Variants in DEDD observed in about 807,000 individuals in gnomAD.
DEDD encodes the protein death effector domain-containing protein.
A neutral mutation model predicts 29.2 loss-of-function variants in DEDD; 3 were observed. That is an observed-to-expected ratio of 0.10 (90% confidence interval 0.05 to 0.27). The LOEUF (loss-of-function observed/expected upper bound fraction) is 0.27, where lower values mean the gene tolerates loss of function less well. Ranked by LOEUF, DEDD falls within the 10% of genes least tolerant of loss-of-function variation. DEDD has a pLI of 1.00. For synonymous variants in DEDD, 152 were observed against 161.3 expected, an observed-to-expected ratio of 0.94 and a Z score of 0.44; for missense variants, 261 against 420.5, an observed-to-expected ratio of 0.62 and a Z score of 3.32.
At chr1:161,124,082 C>T (rs993485438) in intron 3 of DEDD, 56 bp downstream of exon 3, 23 of 1,583,560 alleles carry the variant, frequency 1.5e-5, no homozygotes, top group Non-Finnish European at 2.0e-5. Context: ...GCCTATGCTG[C>T]TCCTTCCTGG....
intron 2 of DEDD, among the ~76,000 whole-genome samples, chr1:161,125,754 G>A (rs1486354687): frequency 3.9e-5 from 6 of 151,992 alleles, no homozygotes; most frequent in African/African-American, 1.5e-4. Flanking sequence ...CACCCACCTC[G>A]GCCTCCCAAA....
chr1:161,124,501 G>C lies in DEDD; in HGVS notation c.-39C>G. The C allele has an allele frequency of 5.1e-6, 8 of 1,568,220 alleles. No homozygotes were observed. Among genetic ancestry groups the C allele is most frequent in the Non-Finnish European group, 6.9e-6 (8 of 1,152,654 alleles). Reference sequence around the variant, plus strand: ...GTACGCAATGCTTTCCAGAATCCCTGCTCAGCAGCTGCAATCCCCACCGTA... The same window carrying C: ...GTACGCAATGCTTTCCAGAATCCCTCCTCAGCAGCTGCAATCCCCACCGTA... On this transcript the variant is annotated 5_prime_UTR_variant, in exon 3 of 6. Coordinates refer to ENST00000368006, the MANE Select transcript of DEDD (RefSeq NM_032998.3).
At position 161,122,314 on chromosome 1, in the gene DEDD, T is replaced by C. The variant is rs765135748; in HGVS notation, c.790A>G (p.Ile264Val). ...TYLDAFWRDY[I>V]NGSLLEALKG... Reference sequence around the variant, plus strand: ...AGTGCCTCTAATAAAGAGCCATTGATGTAGTCACGCCAGAATGCATCGAGG... The same window carrying C: ...AGTGCCTCTAATAAAGAGCCATTGACGTAGTCACGCCAGAATGCATCGAGG... The change falls in exon 6 of 6, where the codon ATC (isoleucine) becomes GTC (valine). Residue 264 changes from isoleucine (I) to valine (V), a missense_variant. Physicochemically the swap from Ile to Val is conservative, Grantham distance 29 (BLOSUM62 3). Transcript: ENST00000368006. The surrounding 1 kb of genome is among the most constrained non-coding windows in gnomAD (Gnocchi z 4.2). The C allele has an allele frequency of 5.0e-6, 8 of 1,614,078 alleles. No individual in the cohort carries two copies. Among genetic ancestry groups the C allele is most frequent in the Non-Finnish European group, 2.5e-6 (3 of 1,180,050 alleles).
rs1284448276 is a variant in DEDD, at chr1:161,122,157, G to A, written c.947C>T (p.Ala316Val). ...AGAAGAGGGAATAGGTCAGGGCAATGCTTGCAGCATCAAGTTCCTCAGGAG... is the reference window on the plus strand; with the variant it reads ...AGAAGAGGGAATAGGTCAGGGCAATACTTGCAGCATCAAGTTCCTCAGGAG... ...QKLLRNLMLQ[A>V]LP The change falls in exon 6 of 6, where the codon GCA becomes GTA. Residue 316 changes from alanine to valine, a missense_variant. Physicochemically the swap from Ala to Val is moderately conservative, Grantham distance 64. Transcript: ENST00000368006. This position sits in a 1 kb window ranked among gnomAD's most constrained non-coding sequence, Gnocchi z 4.2. 6.2e-7 allele frequency: 1 copy of A among 1,613,212 alleles called. No homozygotes were observed. The highest frequency in any genetic ancestry group is 2.2e-5 in the East Asian group (1 of 44,888).
intron 1 of DEDD, 42 bp from the exon 2 acceptor site, chr1:161,130,889 A>C (rs1557985295): frequency 6.6e-6 from 1 of 152,298 alleles, no homozygotes; most frequent in East Asian, 1.9e-4. Flanking sequence ...AAAAACAAAT[A>C]AGGAGGGGAA....
chr1:161,121,113 G>C lies in DEDD; in HGVS notation c.*1034C>G. On this transcript the variant is annotated 3_prime_UTR_variant, in exon 6 of 6. Coordinates refer to ENST00000368006, the MANE Select transcript of DEDD (RefSeq NM_032998.3). Reference sequence around the variant, plus strand: ...GGGAACTAGAAGGGGAGTTGGTATTGTACCAGCTGGACTAAGCTCCAGTTC... The same window carrying C: ...GGGAACTAGAAGGGGAGTTGGTATTCTACCAGCTGGACTAAGCTCCAGTTC... The C allele has an allele frequency of 2.7e-6, 3 of 1,128,850 alleles. No individual in the cohort carries two copies. The highest frequency in any genetic ancestry group is 2.2e-5 in the South Asian group (1 of 45,574). 69.9% of individuals were successfully genotyped at this position (1,128,850 alleles called of 1,614,324 possible). A position where few individuals can be genotyped will look rare whatever the true frequency, so the allele number is the denominator to read the frequency against.
At chr1:161,126,541 A>G (rs1656191487) in intron 2 of DEDD, among the ~76,000 whole-genome samples, 1 of 151,752 alleles carries the variant, frequency 6.6e-6, no homozygotes, top group Non-Finnish European at 1.5e-5. Context: ...ACGGGGTTTC[A>G]CCATATTGGC....
At chr1:161,123,768 G>GC in intron 4 of DEDD, 71 bp downstream of exon 4, 8 of 1,371,188 alleles carry the variant, frequency 5.8e-6, no homozygotes, top group Non-Finnish European at 8.1e-6. Flanking sequence ...AGCTGGCAAA[G>GC]CCCAGAATGT....
intron 2 of DEDD, 25 bp from the exon 3 acceptor site, chr1:161,124,551 T>A: frequency 2.6e-6 from 4 of 1,519,522 alleles, no homozygotes; most frequent in Non-Finnish European, 3.5e-6. Context: ...AAAGAACCGA[T>A]GAGACACTCA....
intron 1 of DEDD, 100 bp from the exon 2 acceptor site, chr1:161,130,947 A>G (rs1290321905): frequency 1.3e-5 from 2 of 152,238 alleles, no homozygotes; most frequent in African/African-American, 4.8e-5. Flanking sequence ...GGCCCATAGA[A>G]TTAGACAATC....
At position 161,124,183 on chromosome 1, in the gene DEDD, G is replaced by A. The variant is rs200035776; in HGVS notation, c.280C>T (p.Arg94Cys). The A allele has an allele frequency of 3.7e-6, 6 of 1,614,024 alleles. No individual in the cohort carries two copies. The Admixed American group carries it at 5.0e-5, about 13-fold the overall frequency. Residue 94 changes from arginine (R) to cysteine (C), a missense_variant, in exon 3 of 6, where the codon CGC becomes TGC. Physicochemically the swap from Arg to Cys is radical, Grantham distance 180. This residue lies in a region of DEDD where 203 missense variants were observed against 268.7 expected (regional missense o/e 0.76). Coordinates refer to ENST00000368006, the MANE Select transcript of DEDD (RefSeq NM_032998.3). ...QVLQLLRIIT[R>C]HDLLPYVTLK... ...GTGACGTAGGGCAGCAGGTCGTGGCGAGTGATGATGCGCAGCAGCTGCAGC... is the reference window on the plus strand; with the variant it reads ...GTGACGTAGGGCAGCAGGTCGTGGCAAGTGATGATGCGCAGCAGCTGCAGC...
Position 161,123,093 on chromosome 1 carries a change from T to C in DEDD, c.562A>G (p.Lys188Glu). Residue 188 changes from lysine (K) to glutamate (E), a missense_variant, in exon 5 of 6, where the codon AAG becomes GAG. Physicochemically the swap from Lys to Glu is moderately conservative, Grantham distance 56. Around this residue, in one of 2 missense-constraint regions of DEDD, gnomAD observed 203 missense variants for 268.7 expected, o/e 0.76. Transcript: ENST00000368006. ...TCCTCACCACATGTCTGCTTCTCCT[T>C]GGGATCTGGTGTCACTGACTTCCGG... is the stretch of plus-strand genomic sequence containing the variant. ...KRRKSVTPDPKEKQTCDIRLR... is the reference protein window; with the variant it reads ...KRRKSVTPDPEEKQTCDIRLR... The C allele has an allele frequency of 6.2e-7, 1 of 1,614,182 alleles. No individual in the cohort carries two copies. The highest frequency in any genetic ancestry group is 8.5e-7 in the Non-Finnish European group (1 of 1,180,028).
rs1380509484 is a variant in DEDD at position 161,121,463 on chromosome 1, A to G, written c.*684T>C. 1 of 153,622 alleles carries G rather than the reference A, an allele frequency of 6.5e-6. No homozygotes were observed. The highest frequency in any genetic ancestry group is 1.9e-4 in the East Asian group (1 of 5,206). The allele number at this position is 153,622 out of a possible 1,614,324, so 9.5% of individuals were successfully genotyped here. Reference sequence around the variant, plus strand: ...ACCCTGTGTATGTGTGTACACATATACCACCACAGTTGGGAGGCATGACTA... The same window carrying G: ...ACCCTGTGTATGTGTGTACACATATGCCACCACAGTTGGGAGGCATGACTA... On this transcript the variant is annotated 3_prime_UTR_variant, in exon 6 of 6. Transcript: ENST00000368006.
intron 2 of DEDD, 35 bp downstream of exon 2, chr1:161,130,780 A>G (rs766563129): frequency 6.6e-6 from 1 of 152,164 alleles, no homozygotes; most frequent in Non-Finnish European, 1.5e-5. Flanking sequence ...ATTCCCTTCC[A>G]TTGTTTGAAA....
rs569560041 is a variant in DEDD, at chr1:161,125,742, TCCAC to T, written c.-64-1220_-64-1217del. 1.5e-3 allele frequency among the ~76,000 whole-genome samples: 228 copies of T among 152,322 alleles called. 1 individual carries two copies. Among genetic ancestry groups the T allele is most frequent in the African/African-American group, 5.2e-3 (216 of 41,576 alleles). On this transcript the variant is annotated intron_variant, in intron 2 of 5. Transcript: ENST00000368006. ...GTCTTGAACTCCTGACCTCAGGTGA[TCCAC>T]CCACCTCGGCCTCCCAAAGTGCTGG...
At chr1:161,126,422 C>A (rs1298410148) in intron 2 of DEDD, among the ~76,000 whole-genome samples, 4 of 150,832 alleles carry the variant, frequency 2.7e-5, no homozygotes, top group Non-Finnish European at 4.4e-5. Flanking sequence ...TGGCTCACTG[C>A]AACCTCCGCC....
rs1353390430 is a variant in DEDD, at chr1:161,130,806, C to A, written c.-65+9G>T. ...TTGTTTGAAAACAATAAAAAAGTTC[C>A]AGACTTACCTCCGCAAGAAACTTAA... On this transcript the variant is annotated intron_variant, in intron 2 of 5. Coordinates refer to ENST00000368006, the MANE Select transcript of DEDD (RefSeq NM_032998.3). 6.6e-6 allele frequency: 1 copy of A among 152,172 alleles called. No individual in the cohort carries two copies. Among genetic ancestry groups the A allele is most frequent in the Non-Finnish European group, 1.5e-5 (1 of 68,034 alleles). The allele number at this position is 152,172 out of a possible 1,614,324, so 9.4% of individuals were successfully genotyped here.
At position 161,122,081 on chromosome 1, in the gene DEDD, C is replaced by T; in HGVS notation, c.*66G>A. ...TGGTTGGAAGGGTAGAGAACAAACC[C>T]CAGAACAGTGTAAGCTCCAGAGGTG... On this transcript the variant is annotated 3_prime_UTR_variant, in exon 6 of 6. Coordinates refer to ENST00000368006, the MANE Select transcript of DEDD (RefSeq NM_032998.3). This position sits in a 1 kb window ranked among gnomAD's most constrained non-coding sequence, Gnocchi z 4.2. The T allele has an allele frequency of 6.3e-7, 1 of 1,576,008 alleles. No homozygotes were observed. Among genetic ancestry groups the T allele is most frequent in the Non-Finnish European group, 8.6e-7 (1 of 1,161,612 alleles).
chr1:161,123,734 G>T, intron 4 of DEDD, 105 bp downstream of exon 4: 2 of 1,003,882 alleles, frequency 2.0e-6, no homozygotes, highest in Non-Finnish European at 3.0e-6. Flanking sequence ...GGCAAGATGT[G>T]GGCGCACAGC....
Sources: allele counts gnomAD v4.1 joint callset (sites outside exome capture counted in the v4.1 genomes callset), GRCh38; gene constraint gnomAD v4.1.1; regional missense constraint gnomAD v4.1.1; non-coding constraint Gnocchi (gnomAD v3.1); transcripts MANE v1.5; gene names NCBI Gene and HGNC (gene_info 2026-07-23, HGNC 2026-07-21).